The following VIPR2 variants were observed in gnomAD, a reference collection of about 807,000 sequenced individuals.
VIPR2 encodes vasoactive intestinal polypeptide receptor 2.
In VIPR2, 48 loss-of-function variants were observed where a neutral mutation model predicts 58.0. The ratio of observed to expected loss-of-function variants is 0.83; its 90% CI spans 0.66 to 1.05. VIPR2 has a LOEUF of 1.05. VIPR2 is among the 50% of genes least tolerant of loss of function. VIPR2 has a pLI of 0.00. For missense variants in VIPR2, 534 were observed against 558.0 expected, an observed-to-expected ratio of 0.96 and a Z score of 0.43; for synonymous variants, 243 against 235.2, an observed-to-expected ratio of 1.03 and a Z score of -0.30.
intron 2 of VIPR2, among the ~76,000 whole-genome samples, chr7:159,133,025 A>ATGATTGGCATACCGAT (rs1289589916): frequency 1.4e-5 from 2 of 143,882 alleles, no homozygotes; most frequent in African/African-American, 2.6e-5. Flanking sequence ...TTCAGACAGA[A>ATGATTGGCATACCGAT]TGATTCCAAA....
intron 4 of VIPR2, among the ~76,000 whole-genome samples, chr7:159,072,661 A>G (rs987857866): frequency 6.6e-6 from 1 of 152,226 alleles, no homozygotes; most frequent in East Asian, 1.9e-4. Flanking sequence ...TTATTGATGT[A>G]TATCCAAAAT....
chr7:159,053,323 T>C (rs1197993553), intron 5 of VIPR2, among the ~76,000 whole-genome samples: 1 of 152,188 alleles, frequency 6.6e-6, no homozygotes, highest in Non-Finnish European at 1.5e-5. Context: ...AAAATATTTA[T>C]AATACCATAA....
At position 159,103,410 on chromosome 7, in the gene VIPR2, A is replaced by G. The variant is rs547670438; in HGVS notation, c.357+347T>C. On this transcript the variant is annotated intron_variant, in intron 4 of 12. Coordinates refer to ENST00000262178, the MANE Select transcript of VIPR2 (RefSeq NM_003382.5). ...GGCAAAATCTTAAATGGGACAAGAAATCCAAATGCAGAAAGGGCATGCTCT... is the reference window on the plus strand; with the variant it reads ...GGCAAAATCTTAAATGGGACAAGAAGTCCAAATGCAGAAAGGGCATGCTCT... Among the ~76,000 whole-genome samples the G allele has an allele frequency of 1.7e-4, 26 of 152,298 alleles. No homozygotes were observed. In the East Asian group the frequency reaches 2.5e-3, roughly 15 times the overall value.
chr7:159,039,949 C>T (rs1046729741), intron 6 of VIPR2, among the ~76,000 whole-genome samples: 9 of 152,206 alleles, frequency 5.9e-5, no homozygotes, highest in Admixed American at 2.6e-4. Flanking sequence ...CATGAGGGAC[C>T]GTGTGCCGCC....
At chr7:159,132,330 C>T (rs1278055312) in intron 2 of VIPR2, among the ~76,000 whole-genome samples, 1 of 140,158 alleles carries the variant, frequency 7.1e-6, no homozygotes. Flanking sequence ...CCACAACTTG[C>T]ACCCTGAGCT....
At chr7:159,060,273 C>T (rs1437229448) in intron 4 of VIPR2, among the ~76,000 whole-genome samples, 1 of 151,018 alleles carries the variant, frequency 6.6e-6, no homozygotes, top group Non-Finnish European at 1.5e-5. Context: ...CATCACTTCA[C>T]CCAACCACCA....
At position 159,083,623 on chromosome 7, in the gene VIPR2, T is replaced by TC. The variant is rs572395003; in HGVS notation, c.357+20133dup. Among the ~76,000 whole-genome samples the TC allele has an allele frequency of 3.7e-3, 560 of 152,346 alleles. 3 individuals carry two copies. The highest frequency in any genetic ancestry group is 0.013 in the African/African-American group (524 of 41,580). ...CCACTAGCCGGGCCAGGCCTGCTTCTCACCTGCTGTCCCGGGCAATCATGC... is the reference window on the plus strand; with the variant it reads ...CCACTAGCCGGGCCAGGCCTGCTTCTCCACCTGCTGTCCCGGGCAATCATGC... On this transcript the variant is annotated intron_variant, in intron 4 of 12. Coordinates refer to ENST00000262178, the MANE Select transcript of VIPR2 (RefSeq NM_003382.5).
intron 4 of VIPR2, among the ~76,000 whole-genome samples, chr7:159,066,524 G>A (rs564668583): frequency 6.6e-6 from 1 of 152,356 alleles, no homozygotes; most frequent in Admixed American, 6.5e-5. Context: ...GGGATTCAGG[G>A]CACCATCCCG....
In VIPR2 at chr7:159,119,018, T is replaced by A. The variant is rs192779688; in HGVS notation, c.152-9099A>T. Among the ~76,000 whole-genome samples, 642 of 152,360 alleles carry A rather than the reference T, an allele frequency of 4.2e-3. 1 individual carries two copies. Among genetic ancestry groups the A allele is most frequent in the Admixed American group, 8.8e-3 (134 of 15,310 alleles). On this transcript the variant is annotated intron_variant, in intron 2 of 12. Coordinates refer to ENST00000262178, the MANE Select transcript of VIPR2 (RefSeq NM_003382.5). ...ACACCCCAGGGGTTCTGGTTTAATT[T>A]GCCTGGAGGATGTTTTTATTGTTTC...
At chr7:159,094,561 AGT>A (rs1857711036) in intron 4 of VIPR2, among the ~76,000 whole-genome samples, 1 of 152,162 alleles carries the variant, frequency 6.6e-6, no homozygotes, top group African/African-American at 2.4e-5. Context: ...CCCAGAGAAG[AGT>A]GTGCACTGCT....
chr7:159,082,021 T>C (rs975318683), intron 4 of VIPR2, among the ~76,000 whole-genome samples: 1 of 152,230 alleles, frequency 6.6e-6, no homozygotes, highest in African/African-American at 2.4e-5. Flanking sequence ...TTGGTGGGAC[T>C]GTAAACTAGT....
At chr7:159,134,004 AC>A (rs1797095556) in intron 2 of VIPR2, among the ~76,000 whole-genome samples, 1 of 152,250 alleles carries the variant, frequency 6.6e-6, no homozygotes, top group African/African-American at 2.4e-5. Flanking sequence ...CTGTTTAAAA[AC>A]AGTTTCCAAA....
At chr7:159,072,721 G>T (rs946424481) in intron 4 of VIPR2, among the ~76,000 whole-genome samples, 3 of 152,220 alleles carry the variant, frequency 2.0e-5, no homozygotes, top group African/African-American at 7.2e-5. Flanking sequence ...TATTTATTAA[G>T]GAGAGTAAGT....
At chr7:159,123,635 T>C (rs1387842150) in intron 2 of VIPR2, among the ~76,000 whole-genome samples, 1 of 152,234 alleles carries the variant, frequency 6.6e-6, no homozygotes, top group Non-Finnish European at 1.5e-5. Flanking sequence ...TGTGTCTTTA[T>C]GGTAGAATGA....
At chr7:159,129,902 G>GA (rs1796823626) in intron 2 of VIPR2, among the ~76,000 whole-genome samples, 1 of 82,614 alleles carries the variant, frequency 1.2e-5, no homozygotes, top group Non-Finnish European at 2.1e-5. Context: ...CTCTGGGGGG[G>GA]ACAGGGCTGG....
At chr7:159,036,509 C>G (rs781051738) in intron 7 of VIPR2, among the ~76,000 whole-genome samples, 1 of 152,112 alleles carries the variant, frequency 6.6e-6, no homozygotes, top group Admixed American at 6.5e-5. Flanking sequence ...TTGTTAACAG[C>G]CCAGTTTGAA....
chr7:159,094,594 G>A (rs759032185), intron 4 of VIPR2, among the ~76,000 whole-genome samples: 4 of 152,210 alleles, frequency 2.6e-5, no homozygotes, highest in Non-Finnish European at 4.4e-5. Flanking sequence ...GTGAGCCTGC[G>A]GTGATAATTG....
chr7:159,071,146 C>T (rs1290628944), intron 4 of VIPR2, among the ~76,000 whole-genome samples: 1 of 152,236 alleles, frequency 6.6e-6, no homozygotes. Flanking sequence ...CATTCAACCT[C>T]CTGTAATAAG....
At chr7:159,063,458 CT>C (rs1218761395) in intron 4 of VIPR2, among the ~76,000 whole-genome samples, 2 of 151,986 alleles carry the variant, frequency 1.3e-5, no homozygotes, top group Admixed American at 1.3e-4. Flanking sequence ...AGCCCACGAA[CT>C]TGCGCTGGCC....
Sources: allele counts gnomAD v4.1 joint callset (sites outside exome capture counted in the v4.1 genomes callset), GRCh38; gene constraint gnomAD v4.1.1; transcripts MANE v1.5; gene names NCBI Gene and HGNC (gene_info 2026-07-23, HGNC 2026-07-21).